NOS1AP: variants seen among roughly 807,000 people sequenced by gnomAD.
NOS1AP encodes the protein carboxyl-terminal PDZ ligand of neuronal nitric oxide synthase protein.
Under a neutral mutation model 56.2 loss-of-function variants are expected in NOS1AP, and 21 were observed. That is an observed-to-expected ratio of 0.37 (90% CI 0.26 to 0.54). The LOEUF is 0.54. NOS1AP is among the 20% of genes least tolerant of loss of function. The pLI is 0.84. For missense variants in NOS1AP, 522 were observed against 657.8 expected (o/e 0.79, Z 2.26); for synonymous variants, 270 against 274.6 (o/e 0.98, Z 0.17).
intron 1 of NOS1AP, among the ~76,000 whole-genome samples, chr1:162,098,287 A>G (rs1692295787): frequency 6.6e-6 from 1 of 150,818 alleles, no homozygotes; most frequent in African/African-American, 2.4e-5. Flanking sequence ...TTGTATCTTT[A>G]GTAGAGAGGA....
At chr1:162,078,043 G>C (rs1456845898) in intron 1 of NOS1AP, among the ~76,000 whole-genome samples, 1 of 152,158 alleles carries the variant, frequency 6.6e-6, no homozygotes, top group Non-Finnish European at 1.5e-5. Context: ...CTCTGTGCCT[G>C]CTTGCAGTCA....
intron 5 of NOS1AP, among the ~76,000 whole-genome samples, chr1:162,338,314 T>C (rs1657004041): frequency 6.6e-6 from 1 of 152,122 alleles, no homozygotes; most frequent in South Asian, 2.1e-4. Flanking sequence ...TAAAGAACCT[T>C]ACTTGAAAGA....
chr1:162,228,722 A>G (rs1212255042), intron 2 of NOS1AP, among the ~76,000 whole-genome samples: 1 of 152,222 alleles, frequency 6.6e-6, no homozygotes, highest in East Asian at 1.9e-4. Flanking sequence ...TGCCAAAAGC[A>G]AACAAGTACT....
intron 6 of NOS1AP, among the ~76,000 whole-genome samples, chr1:162,352,387 A>C (rs1356683370): frequency 6.7e-6 from 1 of 149,770 alleles, no homozygotes; most frequent in Admixed American, 6.6e-5. Context: ...CTACCCCTTA[A>C]GTGTTGGAAT....
At chr1:162,195,274 G>T (rs1651769182) in intron 2 of NOS1AP, among the ~76,000 whole-genome samples, 1 of 151,958 alleles carries the variant, frequency 6.6e-6, no homozygotes, top group Non-Finnish European at 1.5e-5. Flanking sequence ...CTATTTCTCA[G>T]CATGAAGTTG....
intron 2 of NOS1AP, among the ~76,000 whole-genome samples, chr1:162,217,628 T>C (rs1652627107): frequency 1.3e-5 from 2 of 152,200 alleles, no homozygotes; most frequent in South Asian, 4.1e-4. Flanking sequence ...CCAATTATCA[T>C]GGGTGCCAGC....
chr1:162,277,749 G>T (rs1419666797), intron 2 of NOS1AP, among the ~76,000 whole-genome samples: 1 of 152,138 alleles, frequency 6.6e-6, no homozygotes, highest in Admixed American at 6.5e-5. Context: ...ACATTCTTGT[G>T]TTCACCTGTG....
At chr1:162,283,878 G>A (rs569726818) in intron 2 of NOS1AP, among the ~76,000 whole-genome samples, 1 of 152,344 alleles carries the variant, frequency 6.6e-6, no homozygotes, top group Non-Finnish European at 1.5e-5. Flanking sequence ...GGAGGGCCAG[G>A]CCCGTTGGCA....
At chr1:162,337,075 C>T (rs1382973721) in intron 5 of NOS1AP, among the ~76,000 whole-genome samples, 1 of 152,190 alleles carries the variant, frequency 6.6e-6, no homozygotes, top group African/African-American at 2.4e-5. Context: ...GGTCTCTTGA[C>T]CTCTCCCGTG....
chr1:162,365,009 T>A, intron 8 of NOS1AP: 1 of 1,070,282 alleles, frequency 9.3e-7, no homozygotes, highest in South Asian at 3.5e-5. Flanking sequence ...CAACATGGCA[T>A]GCCATGCTAG....
intron 1 of NOS1AP, among the ~76,000 whole-genome samples, chr1:162,106,788 G>A (rs1256300796): frequency 6.6e-6 from 1 of 152,126 alleles, no homozygotes; most frequent in Non-Finnish European, 1.5e-5. Context: ...TATTTGCTGG[G>A]GGAATGCAAA....
At chr1:162,203,256 A>T (rs1004293991) in intron 2 of NOS1AP, among the ~76,000 whole-genome samples, 2 of 152,326 alleles carry the variant, frequency 1.3e-5, no homozygotes, top group East Asian at 3.9e-4. Flanking sequence ...CTCCATTGCT[A>T]TGCTTGTCCG....
chr1:162,365,138 C>A, intron 8 of NOS1AP: 4 of 1,401,944 alleles, frequency 2.9e-6, no homozygotes, highest in Non-Finnish European at 3.7e-6. Context: ...CTCTTTCCTG[C>A]CTCTTGCCCT....
chr1:162,312,130 C>T (rs1317253247), intron 4 of NOS1AP, among the ~76,000 whole-genome samples: 20 of 150,926 alleles, frequency 1.3e-4, no homozygotes, highest in Middle Eastern at 3.4e-3. Flanking sequence ...ATGGTATTTC[C>T]AGTTCTAGAT....
chr1:162,332,188 C>G (rs1055482101), intron 4 of NOS1AP, among the ~76,000 whole-genome samples: 6 of 152,140 alleles, frequency 3.9e-5, no homozygotes, highest in Non-Finnish European at 7.3e-5. Flanking sequence ...ACTTGCTATT[C>G]CCACTTCCTG....
chr1:162,277,910 A>G (rs1010976539), intron 2 of NOS1AP, among the ~76,000 whole-genome samples: 1 of 152,146 alleles, frequency 6.6e-6, no homozygotes, highest in Non-Finnish European at 1.5e-5. Context: ...AGTCTTTCCT[A>G]GATTTCTCAT....
At chr1:162,231,922 TA>T (rs1214002092) in intron 2 of NOS1AP, among the ~76,000 whole-genome samples, 2 of 152,252 alleles carry the variant, frequency 1.3e-5, no homozygotes, top group Non-Finnish European at 2.9e-5. Context: ...ACTGAAATCT[TA>T]GCAATGGTTA....
chr1:162,154,405 T>C lies in NOS1AP; in HGVS notation c.106T>C (p.Tyr36His). 6.2e-7 allele frequency: 1 copy of C among 1,614,004 alleles called. No individual in the cohort carries two copies. The highest frequency in any genetic ancestry group is 8.5e-7 in the Non-Finnish European group (1 of 1,179,918). ...ATGAGTGTTTGCTTCTCCCCCACAG[T>C]ACGTAGGAAGCCTGGACGTGCCAAG... ...FQHGICFEAK[Y>H]VGSLDVPRPN... Residue 36 changes from tyrosine to histidine, a missense_variant and splice_region_variant, in exon 2 of 10, where the codon TAC becomes CAC. Around this residue, in one of 4 missense-constraint regions of NOS1AP, gnomAD observed 132 missense variants for 218.1 expected, o/e 0.61. Coordinates refer to ENST00000361897, the MANE Select transcript of NOS1AP (RefSeq NM_014697.3).
At chr1:162,306,164 G>A (rs151146175) in intron 4 of NOS1AP, among the ~76,000 whole-genome samples, 164 of 152,314 alleles carry the variant, frequency 1.1e-3, no homozygotes, top group African/African-American at 3.8e-3. Flanking sequence ...TGTGCAGGAA[G>A]CCAGCCACAT....
Sources: allele counts gnomAD v4.1 joint callset (sites outside exome capture counted in the v4.1 genomes callset), GRCh38; gene constraint gnomAD v4.1.1; regional missense constraint gnomAD v4.1.1; transcripts MANE v1.5; gene names NCBI Gene and HGNC (gene_info 2026-07-23, HGNC 2026-07-21).